Variants in PYGO1 observed in about 807,000 individuals in gnomAD.
PYGO1 encodes pygopus homolog 1.
Under a neutral mutation model 29.5 loss-of-function variants are expected in PYGO1, and 6 were observed. The ratio of observed to expected loss-of-function variants is 0.20; its 90% CI spans 0.11 to 0.40. PYGO1 has a LOEUF of 0.40. PYGO1 is among the 10% of genes least tolerant of loss of function. The pLI is 1.00. For synonymous variants in PYGO1, 186 were observed against 180.5 expected (o/e 1.03, Z -0.24); for missense variants, 515 against 514.9 (o/e 1.00, Z 0.00).
rs1178131816 is a variant in PYGO1 at position 55,547,275 on chromosome 15, T to C, written c.136-128A>G. 3 of 695,692 alleles carry C rather than the reference T, an allele frequency of 4.3e-6. No homozygotes were observed. In the African/African-American group the frequency reaches 5.4e-5, roughly 13 times the overall value. 43.1% of individuals were successfully genotyped at this position (695,692 alleles called of 1,614,324 possible). On this transcript the variant is annotated intron_variant, in intron 2 of 2. Coordinates refer to ENST00000563719, the MANE Select transcript of PYGO1 (RefSeq NM_001367806.1). Reference sequence around the variant, plus strand: ...TCTTGCAGTGTTAACAAACATTTATTATCTTCACTTGACCTTTCAATTTTG... The same window carrying C: ...TCTTGCAGTGTTAACAAACATTTATCATCTTCACTTGACCTTTCAATTTTG...
chr15:55,542,341 A>T lies in PYGO1; in HGVS notation c.*3682T>A, dbSNP rs573683099. 6.6e-6 allele frequency: 1 copy of T among 152,338 alleles called. No individual in the cohort carries two copies. Among genetic ancestry groups the T allele is most frequent in the Non-Finnish European group, 1.5e-5 (1 of 68,032 alleles). The allele number at this position is 152,338 out of a possible 1,614,324, so 9.4% of individuals were successfully genotyped here. ...CTAAAACAAACCACCAAAAAAGTAG[A>T]TTTCTTTACACTGTGTTTATGAAGA... is the stretch of plus-strand genomic sequence containing the variant. On this transcript the variant is annotated 3_prime_UTR_variant, in exon 3 of 3. Transcript: ENST00000563719.
chr15:55,569,290 A>G (rs993132578), intron 1 of PYGO1, among the ~76,000 whole-genome samples: 10 of 151,960 alleles, frequency 6.6e-5, no homozygotes, highest in Admixed American at 3.9e-4. Context: ...TGTTATATTC[A>G]GCTCTGATTT....
At chr15:55,578,521 G>GT in intron 1 of PYGO1, among the ~76,000 whole-genome samples, 1 of 152,124 alleles carries the variant, frequency 6.6e-6, no homozygotes, top group Admixed American at 6.6e-5. Flanking sequence ...ACATTTTTCT[G>GT]TTTTTGTTTT....
At chr15:55,569,724 A>G (rs1260065721) in intron 1 of PYGO1, among the ~76,000 whole-genome samples, 1 of 152,154 alleles carries the variant, frequency 6.6e-6, no homozygotes, top group South Asian at 2.1e-4. Context: ...CATGTGGTCA[A>G]TCTTAGAGTA....
rs1595979601 is a variant in PYGO1, at chr15:55,546,243, G to A, written c.1040C>T (p.Thr347Ile). The A allele has an allele frequency of 1.9e-6, 3 of 1,614,184 alleles. No homozygotes were observed. The East Asian group carries it at 6.7e-5, about 36-fold the overall frequency. ...SDPVYPCGIC[T>I]NEVNDDQDAI... is the part of the protein sequence containing the mutation. ...ATCCTGATCATCGTTCACCTCGTTT[G>A]TACAAATTCCACAAGGATACACTGG... The change falls in exon 3 of 3, where the codon ACA becomes ATA. Residue 347 changes from threonine (T) to isoleucine (I), a missense_variant. Thr to Ile is a moderately conservative substitution (Grantham distance 89). Coordinates refer to ENST00000563719, the MANE Select transcript of PYGO1 (RefSeq NM_001367806.1).
rs2058852418 is a variant in PYGO1, at chr15:55,546,645, G to A, written c.638C>T (p.Thr213Ile). 3 of 1,614,002 alleles carry A rather than the reference G, an allele frequency of 1.9e-6. No homozygotes were observed. Among genetic ancestry groups the A allele is most frequent in the East Asian group, 2.2e-5 (1 of 44,872 alleles). Residue 213 changes from threonine to isoleucine, a missense_variant, in exon 3 of 3, where the codon ACT (threonine) becomes ATT (isoleucine). Thr to Ile is a moderately conservative substitution (Grantham distance 89). Transcript: ENST00000563719. ...NFVPGNNSNF[T>I]SPLESNHSFI... ...AGAATGATTAGATTCTAACGGAGAA[G>A]TAAAATTTGAATTATTTCCAGGAAC...
intron 1 of PYGO1, among the ~76,000 whole-genome samples, chr15:55,569,462 G>C (rs2058971524): frequency 6.6e-6 from 1 of 152,114 alleles, no homozygotes; most frequent in Non-Finnish European, 1.5e-5. Flanking sequence ...CTGCATCCCA[G>C]ATATTTTGGT....
At chr15:55,568,259 G>T (rs2058965307) in intron 1 of PYGO1, among the ~76,000 whole-genome samples, 1 of 150,604 alleles carries the variant, frequency 6.6e-6, no homozygotes, top group Admixed American at 6.6e-5. Flanking sequence ...TTTTATCAGT[G>T]TTTTTTAGTT....
At chr15:55,556,931 C>T (rs1007378519) in intron 1 of PYGO1, among the ~76,000 whole-genome samples, 2 of 151,848 alleles carry the variant, frequency 1.3e-5, no homozygotes, top group Non-Finnish European at 2.9e-5. Context: ...ATACATCCTC[C>T]CAAGACTGAA....
intron 1 of PYGO1, among the ~76,000 whole-genome samples, chr15:55,561,689 C>A (rs964929191): frequency 3.9e-5 from 6 of 152,264 alleles, no homozygotes; most frequent in African/African-American, 1.4e-4. Context: ...CTTCCTTACA[C>A]CTTGCACAAA....
At chr15:55,566,049 G>C (rs2141663548) in intron 1 of PYGO1, among the ~76,000 whole-genome samples, 1 of 152,302 alleles carries the variant, frequency 6.6e-6, no homozygotes, top group East Asian at 1.9e-4. Context: ...CCAAAGTGCT[G>C]GGATTACAGG....
chr15:55,558,377 C>T (rs2058916773), intron 1 of PYGO1, among the ~76,000 whole-genome samples: 1 of 151,958 alleles, frequency 6.6e-6, no homozygotes, highest in African/African-American at 2.4e-5. Flanking sequence ...ACATTCCATG[C>T]TCATGGATAG....
At chr15:55,574,692 T>C (rs1322292007) in intron 1 of PYGO1, among the ~76,000 whole-genome samples, 4 of 152,014 alleles carry the variant, frequency 2.6e-5, no homozygotes, top group Non-Finnish European at 5.9e-5. Flanking sequence ...TAAACATATC[T>C]TCAAAGATAT....
chr15:55,574,656 G>A (rs868262058), intron 1 of PYGO1, among the ~76,000 whole-genome samples: 2 of 132,392 alleles, frequency 1.5e-5, no homozygotes, highest in Middle Eastern at 3.9e-3. Flanking sequence ...ATATGTGTGT[G>A]TGTGTGTGTG....
chr15:55,560,289 C>G (rs1483083513), intron 1 of PYGO1, among the ~76,000 whole-genome samples: 3 of 152,154 alleles, frequency 2.0e-5, no homozygotes, highest in Admixed American at 2.0e-4. Flanking sequence ...ACCCCATCGT[C>G]TCAGCTCAAA....
In PYGO1 at chr15:55,547,037, T is replaced by C. The variant is rs371353889; in HGVS notation, c.246A>G (p.Lys82=). ...FDDNYNTISY[K]PLPSSNPYLG... ...GATATGGATTTGACGAAGGTAGTGG[T>C]TTATAGGAAATAGTATTATAGTTGT... Residue 82 remains lysine, a synonymous_variant, in exon 3 of 3, where the codon AAA becomes AAG. Coordinates refer to ENST00000563719, the MANE Select transcript of PYGO1 (RefSeq NM_001367806.1). The C allele has an allele frequency of 3.7e-6, 6 of 1,613,802 alleles. No individual in the cohort carries two copies. Among genetic ancestry groups the C allele is most frequent in the Non-Finnish European group, 3.4e-6 (4 of 1,179,770 alleles).
rs968320528 is a variant in PYGO1, at chr15:55,545,110, C to T, written c.*913G>A. On this transcript the variant is annotated 3_prime_UTR_variant, in exon 3 of 3. Transcript: ENST00000563719. ...AAACCACCACTGAGTAGTTCTTTTACTAGCAGAGCCCTCTAAGGCCAAATG... is the reference window on the plus strand; with the variant it reads ...AAACCACCACTGAGTAGTTCTTTTATTAGCAGAGCCCTCTAAGGCCAAATG... 2 of 152,176 alleles carry T rather than the reference C, an allele frequency of 1.3e-5. No individual in the cohort carries two copies. Among genetic ancestry groups the T allele is most frequent in the African/African-American group, 4.8e-5 (2 of 41,446 alleles). The allele number at this position is 152,176 out of a possible 1,614,324, so 9.4% of individuals were successfully genotyped here.
rs183794283 is a variant in PYGO1 at position 55,561,396 on chromosome 15, T to A, written c.50-12401A>T. On this transcript the variant is annotated intron_variant, in intron 1 of 2. Coordinates refer to ENST00000563719, the MANE Select transcript of PYGO1 (RefSeq NM_001367806.1). ...GAAACAGGTTTAATTGACTCACATTTCCACATGGCCCGGGAGGCCTCAGGA... is the reference window on the plus strand; with the variant it reads ...GAAACAGGTTTAATTGACTCACATTACCACATGGCCCGGGAGGCCTCAGGA... 2.5e-3 allele frequency among the ~76,000 whole-genome samples: 388 copies of A among 152,258 alleles called. 2 individuals carry two copies. Among genetic ancestry groups the A allele is most frequent in the African/African-American group, 9.0e-3 (375 of 41,552 alleles).
rs1183126269 is a variant in PYGO1, at chr15:55,539,520, A to G, written c.*6503T>C. On this transcript the variant is annotated 3_prime_UTR_variant, in exon 3 of 3. Transcript: ENST00000563719. ...CCACAAAGCAGTTCATGAATTAATAATACTTCTTTAGACGTCTATGATCTA... is the reference window on the plus strand; with the variant it reads ...CCACAAAGCAGTTCATGAATTAATAGTACTTCTTTAGACGTCTATGATCTA... The G allele has an allele frequency of 6.6e-6, 1 of 152,114 alleles. No homozygotes were observed. The highest frequency in any genetic ancestry group is 1.5e-5 in the Non-Finnish European group (1 of 67,952). The allele number at this position is 152,114 out of a possible 1,614,324, so 9.4% of individuals were successfully genotyped here. A position where few individuals can be genotyped will look rare whatever the true frequency, so the allele number is the denominator to read the frequency against.
Sources: allele counts gnomAD v4.1 joint callset (sites outside exome capture counted in the v4.1 genomes callset), GRCh38; gene constraint gnomAD v4.1.1; transcripts MANE v1.5; gene names NCBI Gene and HGNC (gene_info 2026-07-23, HGNC 2026-07-21).